PTPRG: variants seen among roughly 807,000 people sequenced by gnomAD.
PTPRG encodes receptor-type tyrosine-protein phosphatase gamma.
Under a neutral mutation model 165.3 loss-of-function variants are expected in PTPRG, and 102 were observed. That is an observed-to-expected ratio of 0.62 (90% CI 0.53 to 0.73). The LOEUF is 0.73. PTPRG is among the 30% of genes least tolerant of loss of function. PTPRG has a pLI of 0.00. For missense variants in PTPRG, 1,866 were observed against 1,861.4 expected, an observed-to-expected ratio of 1.00 and a Z score of -0.05; for synonymous variants, 675 against 669.5, an observed-to-expected ratio of 1.01 and a Z score of -0.13.
intron 2 of PTPRG, among the ~76,000 whole-genome samples, chr3:61,899,478 A>T (rs550070212): frequency 6.6e-6 from 1 of 152,222 alleles, no homozygotes; most frequent in Admixed American, 6.5e-5. Flanking sequence ...AAGTGATTTC[A>T]TATGGCCTTT....
chr3:61,927,319 A>G (rs2039244597), intron 2 of PTPRG, among the ~76,000 whole-genome samples: 1 of 152,218 alleles, frequency 6.6e-6, no homozygotes, highest in South Asian at 2.1e-4. Flanking sequence ...CTTGGACAAC[A>G]GCTCTGTGCT....
chr3:61,584,534 C>T (rs944669018), intron 1 of PTPRG, among the ~76,000 whole-genome samples: 1 of 151,430 alleles, frequency 6.6e-6, no homozygotes, highest in Non-Finnish European at 1.5e-5. Flanking sequence ...TGAAGATGAG[C>T]GCTTCCAGCA....
At chr3:61,646,704 T>C (rs1003373222) in intron 1 of PTPRG, among the ~76,000 whole-genome samples, 1 of 152,212 alleles carries the variant, frequency 6.6e-6, no homozygotes, top group Non-Finnish European at 1.5e-5. Context: ...TATGCATTTT[T>C]TTCATATGTG....
chr3:62,027,082 C>T (rs1039725333), intron 4 of PTPRG, among the ~76,000 whole-genome samples: 51 of 151,920 alleles, frequency 3.4e-4, no homozygotes, highest in African/African-American at 1.2e-3. Flanking sequence ...TGTTTAAATT[C>T]TCTCCCCGTG....
At chr3:61,867,514 C>T (rs2037444980) in intron 2 of PTPRG, among the ~76,000 whole-genome samples, 1 of 151,922 alleles carries the variant, frequency 6.6e-6, no homozygotes, top group Non-Finnish European at 1.5e-5. Flanking sequence ...TTGAGGCATG[C>T]ATTAAGCCCT....
In PTPRG at chr3:62,120,754, A is replaced by T. The variant is rs558020342; in HGVS notation, c.616-11848A>T. ...GACAGCAAGACTCCATCTCAAAAAA[A>T]AAAAAAGAAAAAGATTGGAAGATGA... On this transcript the variant is annotated intron_variant, in intron 5 of 29. Coordinates refer to ENST00000474889, the MANE Select transcript of PTPRG (RefSeq NM_002841.4). Among the ~76,000 whole-genome samples, 5 of 151,962 alleles carry T rather than the reference A, an allele frequency of 3.3e-5. No individual in the cohort carries two copies. In the East Asian group the frequency reaches 7.8e-4, roughly 24 times the overall value.
intron 1 of PTPRG, among the ~76,000 whole-genome samples, chr3:61,605,147 T>TATTTTCTC (rs1700967892): frequency 6.6e-6 from 1 of 152,244 alleles, no homozygotes; most frequent in Admixed American, 6.5e-5. Flanking sequence ...CGCGTCTGTT[T>TATTTTCTC]ATTTTCTCAT....
intron 28 of PTPRG, among the ~76,000 whole-genome samples, chr3:62,286,133 C>G (rs2148895618): frequency 6.6e-6 from 1 of 152,050 alleles, no homozygotes; most frequent in Non-Finnish European, 1.5e-5. Flanking sequence ...TTAATTTGGC[C>G]CTGAGATCAA....
chr3:61,673,508 C>T (rs1703107080), intron 1 of PTPRG, among the ~76,000 whole-genome samples: 1 of 151,948 alleles, frequency 6.6e-6, no homozygotes, highest in Non-Finnish European at 1.5e-5. Flanking sequence ...GCCAGTTTGG[C>T]ATTAGGCATC....
intron 4 of PTPRG, among the ~76,000 whole-genome samples, chr3:62,032,976 T>G (rs1699818153): frequency 6.6e-6 from 1 of 152,140 alleles, no homozygotes; most frequent in African/African-American, 2.4e-5. Context: ...ACCGACCTAG[T>G]TCTAAGATAG....
chr3:62,012,699 C>G (rs2041457759), intron 4 of PTPRG, among the ~76,000 whole-genome samples: 1 of 152,036 alleles, frequency 6.6e-6, no homozygotes, highest in African/African-American at 2.4e-5. Context: ...CTTGTGGCAT[C>G]ATATCAGAGC....
chr3:61,672,106 C>T (rs1703025450), intron 1 of PTPRG, among the ~76,000 whole-genome samples: 1 of 150,230 alleles, frequency 6.7e-6, no homozygotes, highest in African/African-American at 2.5e-5. Context: ...AGGTGCTCCC[C>T]ACATCTCAGA....
At chr3:62,139,512 ATCT>A (rs1321307460) in intron 6 of PTPRG, among the ~76,000 whole-genome samples, 33 of 152,104 alleles carry the variant, frequency 2.2e-4, no homozygotes, top group Non-Finnish European at 4.4e-4. Context: ...ACATAATGAA[ATCT>A]TCTGCTGGTC....
At chr3:61,958,320 G>A (rs975971144) in intron 2 of PTPRG, among the ~76,000 whole-genome samples, 1 of 152,014 alleles carries the variant, frequency 6.6e-6, no homozygotes, top group African/African-American at 2.4e-5. Context: ...AGTAGACATG[G>A]AGTTTCCCCA....
intron 2 of PTPRG, among the ~76,000 whole-genome samples, chr3:61,778,296 G>T (rs1037202261): frequency 6.6e-6 from 1 of 152,082 alleles, no homozygotes; most frequent in South Asian, 2.1e-4. Flanking sequence ...CCCCCTAGAG[G>T]TTTCTTATTG....
At chr3:61,704,397 G>A (rs559258669) in intron 1 of PTPRG, among the ~76,000 whole-genome samples, 2 of 152,138 alleles carry the variant, frequency 1.3e-5, no homozygotes, top group Non-Finnish European at 2.9e-5. Flanking sequence ...AAAATGGGGA[G>A]CATAGGATTA....
At chr3:62,230,002 G>C (rs1285526646) in intron 13 of PTPRG, among the ~76,000 whole-genome samples, 1 of 152,206 alleles carries the variant, frequency 6.6e-6, no homozygotes, top group African/African-American at 2.4e-5. Flanking sequence ...ACACACTCAT[G>C]ATTTCTTCAG....
intron 2 of PTPRG, among the ~76,000 whole-genome samples, chr3:61,802,861 T>A (rs538100520): frequency 2.0e-5 from 3 of 152,130 alleles, no homozygotes. Flanking sequence ...TAATTCAAGT[T>A]CAGATCTGTG....
chr3:62,201,667 G>C, intron 11 of PTPRG, 113 bp downstream of exon 11: 2 of 871,230 alleles, frequency 2.3e-6, no homozygotes, highest in Non-Finnish European at 1.7e-6. Context: ...AGTGTAAAGC[G>C]GTTATAGTAG....
Sources: allele counts gnomAD v4.1 joint callset (sites outside exome capture counted in the v4.1 genomes callset), GRCh38; gene constraint gnomAD v4.1.1; transcripts MANE v1.5; gene names NCBI Gene and HGNC (gene_info 2026-07-23, HGNC 2026-07-21).